KCNH8: variants seen among roughly 807,000 people sequenced by gnomAD.
The protein encoded by KCNH8 is voltage-gated delayed rectifier potassium channel KCNH8.
Under a neutral mutation model 103.6 loss-of-function variants are expected in KCNH8, and 70 were observed. That is an observed-to-expected ratio of 0.68 (90% CI 0.56 to 0.82). The LOEUF is 0.82. Among genes scored for constraint, KCNH8 ranks in the 40% least tolerant of loss-of-function variants. The pLI, the probability that KCNH8 is intolerant of heterozygous loss-of-function variation, is 0.00. For synonymous variants in KCNH8, 498 were observed against 489.4 expected, an observed-to-expected ratio of 1.02 and a Z score of -0.23; for missense variants, 1,217 against 1,329.9, an observed-to-expected ratio of 0.92 and a Z score of 1.32.
intron 3 of KCNH8, among the ~76,000 whole-genome samples, chr3:19,339,916 C>T (rs567139282): frequency 1.3e-5 from 2 of 151,866 alleles, no homozygotes; most frequent in Non-Finnish European, 2.9e-5. Context: ...GCAGCAGTCC[C>T]GAACACTGAT....
intron 1 of KCNH8, among the ~76,000 whole-genome samples, chr3:19,206,957 G>C (rs183182960): frequency 6.6e-6 from 1 of 152,186 alleles, no homozygotes; most frequent in East Asian, 1.9e-4. Flanking sequence ...TCACGGGTTT[G>C]GTTTTTGAAC....
intron 15 of KCNH8, among the ~76,000 whole-genome samples, chr3:19,522,063 A>G (rs994122116): frequency 6.6e-6 from 1 of 151,890 alleles, no homozygotes; most frequent in African/African-American, 2.4e-5. Context: ...GTATTTTATC[A>G]TTTTATTTTG....
chr3:19,366,448 A>G (rs1473911103), intron 5 of KCNH8, among the ~76,000 whole-genome samples: 1 of 152,128 alleles, frequency 6.6e-6, no homozygotes, highest in Non-Finnish European at 1.5e-5. Flanking sequence ...ATAGACTATG[A>G]GAAGAGCATG....
At chr3:19,293,303 T>C (rs1313956687) in intron 3 of KCNH8, among the ~76,000 whole-genome samples, 2 of 151,616 alleles carry the variant, frequency 1.3e-5, no homozygotes, top group Non-Finnish European at 2.9e-5. Context: ...GGAAATGATG[T>C]GGAAAGAAAG....
At chr3:19,276,171 G>GTA (rs932496177) in intron 2 of KCNH8, among the ~76,000 whole-genome samples, 2 of 110,518 alleles carry the variant, frequency 1.8e-5, no homozygotes, top group Non-Finnish European at 3.6e-5. Flanking sequence ...ACCCCAATAT[G>GTA]TATATGTGTG....
intron 7 of KCNH8, among the ~76,000 whole-genome samples, chr3:19,428,277 T>A (rs2067058723): frequency 6.6e-6 from 1 of 152,164 alleles, no homozygotes; most frequent in South Asian, 2.1e-4. Flanking sequence ...GGGAATCAAG[T>A]AACAACAAAA....
Position 19,322,614 on chromosome 3 carries a change from A to G in KCNH8, c.443-19973A>G, listed in dbSNP as rs184746669. Among the ~76,000 whole-genome samples the G allele has an allele frequency of 5.6e-3, 847 of 152,304 alleles. 3 individuals carry two copies. Among genetic ancestry groups the G allele is most frequent in the Non-Finnish European group, 9.1e-3 (616 of 68,018 alleles). On this transcript the variant is annotated intron_variant, in intron 3 of 15. Transcript: ENST00000328405. ...AGGTTATCTGAAGCTTTTACCTCAC[A>G]GCTCTTAAGATTCTTTCCCTTGTCT...
At chr3:19,361,222 G>A (rs889800911) in intron 5 of KCNH8, among the ~76,000 whole-genome samples, 4 of 151,986 alleles carry the variant, frequency 2.6e-5, no homozygotes, top group Non-Finnish European at 2.9e-5. Flanking sequence ...ATGAAATTAA[G>A]TTTTCCTAAT....
rs148448563 is a variant in KCNH8 at position 19,287,819 on chromosome 3, C to T, written c.442+6490C>T. Among the ~76,000 whole-genome samples, 707 of 152,254 alleles carry T rather than the reference C, an allele frequency of 4.6e-3. 6 individuals are homozygous for T. The highest frequency in any genetic ancestry group is 0.016 in the African/African-American group (644 of 41,542). On this transcript the variant is annotated intron_variant, in intron 3 of 15. Transcript: ENST00000328405. ...CAGGATGGTCTCGATCTTGTGACCT[C>T]GTGATCCACCTGCCTCGGCCTCCTG...
intron 11 of KCNH8, among the ~76,000 whole-genome samples, chr3:19,475,030 T>C (rs1446119741): frequency 1.3e-5 from 2 of 152,146 alleles, no homozygotes; most frequent in Non-Finnish European, 2.9e-5. Flanking sequence ...GAATTGTTCC[T>C]CCAAAGAATC....
At chr3:19,508,782 T>C (rs2068737431) in intron 11 of KCNH8, among the ~76,000 whole-genome samples, 1 of 152,202 alleles carries the variant, frequency 6.6e-6, no homozygotes, top group African/African-American at 2.4e-5. Context: ...GTAATTCATG[T>C]GCACATACAT....
chr3:19,395,850 G>A (rs1257831177), intron 7 of KCNH8, among the ~76,000 whole-genome samples: 2 of 151,968 alleles, frequency 1.3e-5, no homozygotes, highest in Non-Finnish European at 2.9e-5. Context: ...AGAACGGACT[G>A]GACATTTACA....
intron 8 of KCNH8, chr3:19,448,982 A>G: frequency 7.8e-7 from 1 of 1,285,492 alleles, no homozygotes; most frequent in Non-Finnish European, 1.0e-6. Flanking sequence ...TGGTTTAGAA[A>G]CCATTTCGGT....
intron 2 of KCNH8, among the ~76,000 whole-genome samples, chr3:19,264,404 C>G (rs2064478903): frequency 6.6e-6 from 1 of 152,038 alleles, no homozygotes; most frequent in Admixed American, 6.6e-5. Flanking sequence ...TCTGAGAGAG[C>G]CTATTCTTTT....
At chr3:19,409,695 A>G (rs1047925064) in intron 7 of KCNH8, among the ~76,000 whole-genome samples, 2 of 152,160 alleles carry the variant, frequency 1.3e-5, no homozygotes, top group Admixed American at 1.3e-4. Context: ...AAAACAAAAA[A>G]CAAAGAGTCG....
At position 19,483,401 on chromosome 3, in the gene KCNH8, A is replaced by AT. The variant is rs926397406; in HGVS notation, c.2040+26429dup. 6.8e-4 allele frequency among the ~76,000 whole-genome samples: 102 copies of AT among 150,070 alleles called. 1 individual carries two copies. The highest frequency in any genetic ancestry group is 2.1e-3 in the Admixed American group (31 of 15,016). ...CTAAGTCATCCTACAGGGTGAGTGG[A>AT]TTTTTTTTTTCTAGCTATGCAATAC... On this transcript the variant is annotated intron_variant, in intron 11 of 15. Transcript: ENST00000328405.
chr3:19,423,915 C>A (rs1199368733), intron 7 of KCNH8, among the ~76,000 whole-genome samples: 1 of 152,010 alleles, frequency 6.6e-6, no homozygotes, highest in Non-Finnish European at 1.5e-5. Context: ...TAAAAGTAGT[C>A]CCTTTTCATG....
intron 12 of KCNH8, among the ~76,000 whole-genome samples, chr3:19,511,999 A>G (rs983352923): frequency 6.6e-6 from 1 of 152,208 alleles, no homozygotes; most frequent in African/African-American, 2.4e-5. Flanking sequence ...GACAGCCCAG[A>G]GTCTGAATAG....
At chr3:19,507,480 G>A (rs765098386) in intron 11 of KCNH8, among the ~76,000 whole-genome samples, 1 of 152,158 alleles carries the variant, frequency 6.6e-6, no homozygotes, top group Non-Finnish European at 1.5e-5. Context: ...TGCTGAAGGT[G>A]CCAGCATAGT....
Sources: gnomAD v4.1 joint callset for allele counts (sites outside exome capture counted in the v4.1 genomes callset) on GRCh38, gnomAD v4.1.1 for gene constraint, MANE v1.5 for transcripts, NCBI Gene and HGNC (gene_info 2026-07-23, HGNC 2026-07-21) for gene names.